The following GRIA4 variants were observed in gnomAD, a reference collection of about 807,000 sequenced individuals.
GRIA4 encodes the protein glutamate receptor 4.
A neutral mutation model predicts 104.0 loss-of-function variants in GRIA4; 34 were observed. The ratio of observed to expected loss-of-function variants is 0.33; its 90% confidence interval spans 0.25 to 0.44. The LOEUF (loss-of-function observed/expected upper bound fraction) is 0.44. Among genes scored for constraint, GRIA4 ranks in the 20% least tolerant of loss-of-function variants. The pLI is 1.00. For missense variants in GRIA4, 750 were observed against 1,096.5 expected (o/e 0.68, Z 4.46); for synonymous variants, 386 against 381.9 (o/e 1.01, Z -0.13).
At chr11:105,876,964 G>A (rs1945851074) in intron 5 of GRIA4, among the ~76,000 whole-genome samples, 1 of 152,172 alleles carries the variant, frequency 6.6e-6, no homozygotes, top group African/African-American at 2.4e-5. Context: ...TATGATGCTA[G>A]CTGATTATTT....
chr11:105,718,391 C>T (rs1303947810), intron 3 of GRIA4, among the ~76,000 whole-genome samples: 1 of 152,070 alleles, frequency 6.6e-6, no homozygotes, highest in Non-Finnish European at 1.5e-5. Flanking sequence ...ACAAAGGTAC[C>T]AATATTATCG....
At chr11:105,742,985 T>C (rs1001952491) in intron 3 of GRIA4, among the ~76,000 whole-genome samples, 8 of 152,058 alleles carry the variant, frequency 5.3e-5, no homozygotes, top group African/African-American at 1.9e-4. Context: ...GATCCACCCA[T>C]CTCAGCCTCC....
intron 4 of GRIA4, among the ~76,000 whole-genome samples, chr11:105,769,908 T>C (rs1166058183): frequency 6.6e-6 from 1 of 152,016 alleles, no homozygotes; most frequent in African/African-American, 2.4e-5. Flanking sequence ...TTTAGAGATA[T>C]TTTTCCCCTA....
chr11:105,614,535 G>T (rs1950553107), intron 3 of GRIA4: 1 of 151,912 alleles, frequency 6.6e-6, no homozygotes, highest in South Asian at 2.1e-4. Context: ...TATAAGGATT[G>T]AGAAAATTGA....
chr11:105,882,721 CT>C (rs765203740), intron 5 of GRIA4, among the ~76,000 whole-genome samples: 2 of 152,158 alleles, frequency 1.3e-5, no homozygotes, highest in Non-Finnish European at 2.9e-5. Flanking sequence ...AATAAACACC[CT>C]TGTAACAGCA....
At chr11:105,622,675 G>A (rs1186094070) in intron 3 of GRIA4, among the ~76,000 whole-genome samples, 1 of 151,416 alleles carries the variant, frequency 6.6e-6, no homozygotes, top group Non-Finnish European at 1.5e-5. Flanking sequence ...CAAATCAATG[G>A]TTTTATTTTA....
At chr11:105,840,068 T>C (rs949128921) in intron 4 of GRIA4, among the ~76,000 whole-genome samples, 11 of 152,226 alleles carry the variant, frequency 7.2e-5, no homozygotes, top group African/African-American at 1.4e-4. Flanking sequence ...TGAAGTTATA[T>C]TGTCTTATAA....
intron 4 of GRIA4, among the ~76,000 whole-genome samples, chr11:105,758,262 T>G (rs556546012): frequency 2.6e-5 from 4 of 152,164 alleles, no homozygotes; most frequent in African/African-American, 9.6e-5. Context: ...TCTTTTTTTT[T>G]GCTTTGATAG....
At chr11:105,816,271 A>G (rs754802521) in intron 4 of GRIA4, among the ~76,000 whole-genome samples, 12 of 152,150 alleles carry the variant, frequency 7.9e-5, no homozygotes, top group Non-Finnish European at 1.5e-4. Flanking sequence ...TCCTTGCCCA[A>G]ATCTCATAGT....
Position 105,708,188 on chromosome 11 carries a change from T to A in GRIA4, c.248-44793T>A, listed in dbSNP as rs979112285. 2.2e-4 allele frequency among the ~76,000 whole-genome samples: 33 copies of A among 152,182 alleles called. 1 individual carries two copies. The highest frequency in any genetic ancestry group is 3.4e-3 in the Middle Eastern group (1 of 294). On this transcript the variant is annotated intron_variant, in intron 3 of 16. Transcript: ENST00000282499. ...AGACATTTTTGCATTTTAGAAAAAA[T>A]TTTAAAGGAGTAACAATAGTATGCT...
intron 4 of GRIA4, among the ~76,000 whole-genome samples, chr11:105,814,985 C>A (rs1943320328): frequency 6.6e-6 from 1 of 152,118 alleles, no homozygotes; most frequent in South Asian, 2.1e-4. Context: ...CCAAGCTTGG[C>A]CAGTCAGGGT....
At chr11:105,631,416 A>G (rs1439893913) in intron 3 of GRIA4, among the ~76,000 whole-genome samples, 1 of 152,258 alleles carries the variant, frequency 6.6e-6, no homozygotes, top group Admixed American at 6.5e-5. Context: ...GTCAGAATTT[A>G]TATGGAGAGA....
intron 3 of GRIA4, among the ~76,000 whole-genome samples, chr11:105,688,152 ATATCTCTATC>A (rs779772032): frequency 0.016 from 1,140 of 70,690 alleles, 14 homozygotes; most frequent in Middle Eastern, 0.065. Context: ...ATCTATATCT[ATATCTCTATC>A]TATCTATCTA....
intron 14 of GRIA4, among the ~76,000 whole-genome samples, chr11:105,945,067 A>C (rs1218141448): frequency 6.6e-6 from 1 of 152,154 alleles, no homozygotes. Flanking sequence ...ACTCTCAAAA[A>C]ACAAAAGAAG....
intron 5 of GRIA4, among the ~76,000 whole-genome samples, chr11:105,863,596 C>T (rs948037103): frequency 6.6e-6 from 1 of 152,112 alleles, no homozygotes; most frequent in African/African-American, 2.4e-5. Context: ...AGCCACTTTA[C>T]CTCCGACTCC....
chr11:105,734,119 T>C lies in GRIA4; in HGVS notation c.248-18862T>C, dbSNP rs184309026. On this transcript the variant is annotated intron_variant, in intron 3 of 16. Transcript: ENST00000282499. The stretch of plus-strand genomic sequence containing the variant: ...TATAAAATATCTTGCCCATGGCCTT[T>C]AGACACTGACAGATCTACTCAATTG... Among the ~76,000 whole-genome samples the C allele has an allele frequency of 3.7e-4, 56 of 149,922 alleles. 1 individual carries two copies. In the East Asian group the frequency reaches 4.9e-3, roughly 13 times the overall value.
intron 4 of GRIA4, 124 bp from the exon 5 acceptor site, chr11:105,861,900 C>CT (rs1945238039): frequency 1.6e-6 from 1 of 643,170 alleles, no homozygotes; most frequent in Non-Finnish European, 2.8e-6. Context: ...ACCACACAGA[C>CT]TTTAAGTTTC....
At chr11:105,916,958 A>T (rs1947423732) in intron 10 of GRIA4, among the ~76,000 whole-genome samples, 1 of 152,112 alleles carries the variant, frequency 6.6e-6, no homozygotes, top group African/African-American at 2.4e-5. Context: ...GGTTATTTTA[A>T]AAAAAAGAGA....
chr11:105,642,139 C>T (rs879666265), intron 3 of GRIA4, among the ~76,000 whole-genome samples: 7 of 152,066 alleles, frequency 4.6e-5, no homozygotes, highest in Non-Finnish European at 7.4e-5. Flanking sequence ...AAGACCCTGT[C>T]CCCCAAATAC....
Sources: gnomAD v4.1 joint callset for allele counts (sites outside exome capture counted in the v4.1 genomes callset) on GRCh38, gnomAD v4.1.1 for gene constraint, MANE v1.5 for transcripts, NCBI Gene and HGNC (gene_info 2026-07-23, HGNC 2026-07-21) for gene names.